The following THRB variants were observed in gnomAD, a reference collection of about 807,000 sequenced individuals.
THRB encodes nuclear receptor subfamily 1 group A member 2.
A neutral mutation model predicts 47.8 loss-of-function variants in THRB; 12 were observed. The ratio of observed to expected loss-of-function variants is 0.25; its 90% confidence interval spans 0.16 to 0.41. The LOEUF (loss-of-function observed/expected upper bound fraction) is 0.41. Among genes scored for constraint, THRB ranks in the 10% least tolerant of loss-of-function variants. THRB has a pLI of 1.00. For missense variants in THRB, 348 were observed against 589.2 expected (o/e 0.59, Z 4.24); for synonymous variants, 218 against 212.2 (o/e 1.03, Z -0.24).
chr3:24,249,953 C>T (rs1256146890), intron 3 of THRB, among the ~76,000 whole-genome samples: 3 of 152,170 alleles, frequency 2.0e-5, no homozygotes, highest in Non-Finnish European at 4.4e-5. Flanking sequence ...ATAGTCTTCA[C>T]CATTACTTTT....
chr3:24,472,667 C>T (rs1203943107), intron 1 of THRB, among the ~76,000 whole-genome samples: 2 of 152,180 alleles, frequency 1.3e-5, no homozygotes, highest in African/African-American at 4.8e-5. Flanking sequence ...TTCCTGAGGA[C>T]CTGATAGTCA....
intron 1 of THRB, among the ~76,000 whole-genome samples, chr3:24,440,821 G>C (rs1253635377): frequency 6.6e-6 from 1 of 152,198 alleles, no homozygotes; most frequent in Non-Finnish European, 1.5e-5. Context: ...TCTGAGATAA[G>C]AGAATGCAAG....
chr3:24,474,411 C>T (rs1695146830), intron 1 of THRB, among the ~76,000 whole-genome samples: 2 of 152,154 alleles, frequency 1.3e-5, no homozygotes, highest in Non-Finnish European at 2.9e-5. Flanking sequence ...CCATAGCAGA[C>T]ATCACTAATC....
intron 1 of THRB, among the ~76,000 whole-genome samples, chr3:24,391,869 G>A (rs991515041): frequency 5.3e-5 from 8 of 152,014 alleles, no homozygotes; most frequent in African/African-American, 1.4e-4. Context: ...CTTACTCTTC[G>A]TAGCGGTAAT....
intron 4 of THRB, among the ~76,000 whole-genome samples, chr3:24,195,934 T>C (rs1287402817): frequency 1.3e-5 from 2 of 152,220 alleles, no homozygotes; most frequent in East Asian, 1.9e-4. Context: ...TTGTCACCAA[T>C]GGGAACTGTT....
At chr3:24,470,187 C>T (rs1213711440) in intron 1 of THRB, among the ~76,000 whole-genome samples, 4 of 152,190 alleles carry the variant, frequency 2.6e-5, no homozygotes, top group East Asian at 1.9e-4. Context: ...AAACACCAGA[C>T]GCTAGATAGG....
chr3:24,380,038 ATGT>A (rs922225911), intron 1 of THRB, among the ~76,000 whole-genome samples: 1 of 150,286 alleles, frequency 6.7e-6, no homozygotes, highest in Non-Finnish European at 1.5e-5. Flanking sequence ...TGTTCTTATG[ATGT>A]TCTTATAAAT....
intron 1 of THRB, among the ~76,000 whole-genome samples, chr3:24,461,010 T>A (rs560050489): frequency 5.3e-5 from 8 of 152,306 alleles, no homozygotes; most frequent in Middle Eastern, 3.4e-3. Flanking sequence ...AGGCTATGTA[T>A]CTCTAAAATT....
chr3:24,312,884 G>A (rs925177095), intron 2 of THRB, among the ~76,000 whole-genome samples: 2 of 152,202 alleles, frequency 1.3e-5, no homozygotes, highest in Non-Finnish European at 2.9e-5. Context: ...TGGGTTGGAG[G>A]ATGATCCAAA....
chr3:24,476,886 C>G (rs1023295113), intron 1 of THRB, among the ~76,000 whole-genome samples: 3 of 152,188 alleles, frequency 2.0e-5, no homozygotes, highest in African/African-American at 7.2e-5. Context: ...TCAGGAATCT[C>G]AACTGAAGAA....
At chr3:24,245,484 C>T (rs1005439576) in intron 3 of THRB, among the ~76,000 whole-genome samples, 2 of 152,154 alleles carry the variant, frequency 1.3e-5, no homozygotes, top group African/African-American at 2.4e-5. Context: ...GTCAGAAGTG[C>T]AGAGGGCCAT....
chr3:24,477,098 G>A (rs1222592497), intron 1 of THRB, among the ~76,000 whole-genome samples: 1 of 146,740 alleles, frequency 6.8e-6, no homozygotes, highest in Non-Finnish European at 1.5e-5. Flanking sequence ...GTGTGTGTGT[G>A]TGTGTGTGTG....
rs190965463 is a variant in THRB, at chr3:24,479,095, G to A, written c.-261+15557C>T. ...GGGAGGATCACGAGGTCAGGAGATCGAGACCATCCTGGCTAACACGGTGAA... is the reference window on the plus strand; with the variant it reads ...GGGAGGATCACGAGGTCAGGAGATCAAGACCATCCTGGCTAACACGGTGAA... On this transcript the variant is annotated intron_variant, in intron 1 of 10. Coordinates refer to ENST00000646209, the MANE Select transcript of THRB (RefSeq NM_001354712.2). Among the ~76,000 whole-genome samples, 41 of 152,182 alleles carry A rather than the reference G, an allele frequency of 2.7e-4. No individual in the cohort carries two copies. In the East Asian group the frequency reaches 6.4e-3, roughly 24 times the overall value.
At chr3:24,325,052 T>C (rs775115522) in intron 2 of THRB, among the ~76,000 whole-genome samples, 4 of 152,370 alleles carry the variant, frequency 2.6e-5, no homozygotes, top group Non-Finnish European at 2.9e-5. Flanking sequence ...TGTATTAAAT[T>C]CTTGCTTCTT....
intron 5 of THRB, among the ~76,000 whole-genome samples, chr3:24,189,455 G>T (rs1355807300): frequency 1.3e-5 from 2 of 152,176 alleles, no homozygotes; most frequent in African/African-American, 4.8e-5. Flanking sequence ...ATCTGTCAGG[G>T]TGGAGGCGAC....
chr3:24,477,483 G>T (rs1348286194), intron 1 of THRB, among the ~76,000 whole-genome samples: 1 of 152,126 alleles, frequency 6.6e-6, no homozygotes, highest in African/African-American at 2.4e-5. Flanking sequence ...GGGTTCAGCA[G>T]GTCTGGGCTG....
chr3:24,238,346 G>T (rs2049130268), intron 3 of THRB, among the ~76,000 whole-genome samples: 1 of 147,654 alleles, frequency 6.8e-6, no homozygotes, highest in South Asian at 2.2e-4. Flanking sequence ...TCATGTCAGG[G>T]AAATTAATTC....
At chr3:24,411,322 T>C (rs1406294772) in intron 1 of THRB, among the ~76,000 whole-genome samples, 1 of 151,822 alleles carries the variant, frequency 6.6e-6, no homozygotes, top group Admixed American at 6.6e-5. Flanking sequence ...AATATGGTTA[T>C]CAAATCGACA....
chr3:24,166,638 T>C (rs1284618093), intron 5 of THRB, among the ~76,000 whole-genome samples: 1 of 152,144 alleles, frequency 6.6e-6, no homozygotes, highest in Non-Finnish European at 1.5e-5. Context: ...TTGTAGATCA[T>C]GACATCAGGA....
Sources: allele counts gnomAD v4.1 joint callset (sites outside exome capture counted in the v4.1 genomes callset), GRCh38; gene constraint gnomAD v4.1.1; transcripts MANE v1.5; gene names NCBI Gene and HGNC (gene_info 2026-07-23, HGNC 2026-07-21).